The following SEMA6A variants were observed in gnomAD, a reference collection of about 807,000 sequenced individuals.
The protein encoded by SEMA6A is semaphorin 6A.
In SEMA6A, 25 loss-of-function variants were observed where a neutral mutation model predicts 96.8. The observed-to-expected ratio is 0.26, with a 90% CI of 0.19 to 0.36. The LOEUF (loss-of-function observed/expected upper bound fraction) is 0.36, where lower values mean the gene tolerates loss of function less well. Among genes scored for constraint, SEMA6A ranks in the 10% least tolerant of loss-of-function variants. The pLI, the probability that SEMA6A is intolerant of heterozygous loss-of-function variation, is 1.00. For missense variants in SEMA6A, 1,363 were observed against 1,323.1 expected (o/e 1.03, Z -0.47); for synonymous variants, 612 against 518.0 (o/e 1.18, Z -2.46).
intron 1 of SEMA6A, among the ~76,000 whole-genome samples, chr5:116,509,325 A>T (rs1758294449): frequency 6.6e-6 from 1 of 152,190 alleles, no homozygotes; most frequent in African/African-American, 2.4e-5. Context: ...TCCCTGAGCA[A>T]AGTCACTTAC....
rs2112564541 is a variant in SEMA6A at position 116,445,874 on chromosome 5, G to GT, written c.*738_*739insA. 6.5e-6 allele frequency: 1 copy of GT among 152,764 alleles called. No individual in the cohort carries two copies. The highest frequency in any genetic ancestry group is 2.4e-5 in the African/African-American group (1 of 41,564). The allele number at this position is 152,764 out of a possible 1,614,324, so 9.5% of individuals were successfully genotyped here. A position where few individuals can be genotyped will look rare whatever the true frequency, so the allele number is the denominator to read the frequency against. On this transcript the variant is annotated 3_prime_UTR_variant, in exon 19 of 19. Transcript: ENST00000343348. Reference sequence around the variant, plus strand: ...GCTGTTCATAGGATGATATTTGGAAGAGTCCTTTCCTTAAGGAAAAAAAGG... The same window carrying GT: ...GCTGTTCATAGGATGATATTTGGAAGTAGTCCTTTCCTTAAGGAAAAAAAGG...
At chr5:116,552,067 C>T (rs1174092490) in intron 1 of SEMA6A, among the ~76,000 whole-genome samples, 1 of 135,714 alleles carries the variant, frequency 7.4e-6, no homozygotes, top group Non-Finnish European at 1.6e-5. Flanking sequence ...CCAATCACTA[C>T]CCACCAAATG....
intron 18 of SEMA6A, chr5:116,449,411 G>A: frequency 2.9e-6 from 2 of 699,044 alleles, no homozygotes; most frequent in South Asian, 1.5e-5. Context: ...CAGTGGCACA[G>A]AATTAGAATG....
At chr5:116,547,166 A>T (rs533005974) in intron 1 of SEMA6A, among the ~76,000 whole-genome samples, 1 of 152,296 alleles carries the variant, frequency 6.6e-6, no homozygotes, top group Admixed American at 6.5e-5. Context: ...AACAAAATTT[A>T]TCTTTTTTGT....
intron 6 of SEMA6A, among the ~76,000 whole-genome samples, chr5:116,493,835 A>G (rs923039816): frequency 2.0e-5 from 3 of 152,110 alleles, no homozygotes; most frequent in Non-Finnish European, 4.4e-5. Flanking sequence ...CTCTAAACCA[A>G]AGCTTACTGA....
chr5:116,483,739 G>T (rs1248009899), intron 10 of SEMA6A, among the ~76,000 whole-genome samples: 5 of 152,120 alleles, frequency 3.3e-5, no homozygotes, highest in Non-Finnish European at 7.3e-5. Context: ...ATTTATACAT[G>T]TACATATGTT....
intron 1 of SEMA6A, among the ~76,000 whole-genome samples, chr5:116,516,787 G>A (rs940020384): frequency 6.6e-6 from 1 of 152,134 alleles, no homozygotes; most frequent in African/African-American, 2.4e-5. Flanking sequence ...TCCTTAGAGC[G>A]AATGAAAATA....
intron 1 of SEMA6A, among the ~76,000 whole-genome samples, chr5:116,556,487 C>T (rs1760611547): frequency 6.6e-6 from 1 of 152,128 alleles, no homozygotes; most frequent in African/African-American, 2.4e-5. Context: ...AGACATCATT[C>T]TGGTGCATAT....
intron 18 of SEMA6A, among the ~76,000 whole-genome samples, chr5:116,453,457 A>G (rs1011902215): frequency 6.6e-5 from 10 of 152,262 alleles, no homozygotes; most frequent in Non-Finnish European, 1.5e-5. Context: ...CTTCAGGCAG[A>G]AAGGTGCTCA....
Position 116,488,095 on chromosome 5 carries a change from C to T in SEMA6A, c.744+13G>A. On this transcript the variant is annotated intron_variant, in intron 9 of 18. Coordinates refer to ENST00000343348, the MANE Select transcript of SEMA6A (RefSeq NM_020796.5). ...ATGTTACAAACTGAGCCAAGGACAG[C>T]ATCCCCTCTTACCTTTCCCATGGTG... The T allele has an allele frequency of 1.3e-6, 2 of 1,546,224 alleles. No homozygotes were observed. Among genetic ancestry groups the T allele is most frequent in the Non-Finnish European group, 1.8e-6 (2 of 1,121,492 alleles).
chr5:116,447,877 C>G (rs1278359721), intron 18 of SEMA6A, 66 bp from the exon 19 acceptor site: 7 of 1,315,566 alleles, frequency 5.3e-6, no homozygotes, highest in South Asian at 4.5e-5. Flanking sequence ...TTTTGCTTGG[C>G]ATTCACCTTG....
intron 1 of SEMA6A, among the ~76,000 whole-genome samples, chr5:116,534,980 C>T (rs1490318892): frequency 6.6e-6 from 1 of 152,236 alleles, no homozygotes; most frequent in Non-Finnish European, 1.5e-5. Context: ...AAGATGCTAA[C>T]TCATCCTTGC....
chr5:116,482,315 T>A (rs1756821769), intron 11 of SEMA6A, 129 bp downstream of exon 11: 1 of 981,918 alleles, frequency 1.0e-6, no homozygotes, highest in Non-Finnish European at 1.5e-6. Flanking sequence ...TTTTGGTTAA[T>A]GAGATGAAGG....
Position 116,446,497 on chromosome 5 carries a change from C to T in SEMA6A, c.*116G>A. On this transcript the variant is annotated 3_prime_UTR_variant, in exon 19 of 19. Coordinates refer to ENST00000343348, the MANE Select transcript of SEMA6A (RefSeq NM_020796.5). Reference sequence around the variant, plus strand: ...AGAGAGGAGGACCCAGCGTCCTCGGCTCTGCCGCAGGCCTTCTTGGTCTGG... The same window carrying T: ...AGAGAGGAGGACCCAGCGTCCTCGGTTCTGCCGCAGGCCTTCTTGGTCTGG... 1.1e-6 allele frequency: 1 copy of T among 904,748 alleles called. No homozygotes were observed. The highest frequency in any genetic ancestry group is 1.6e-6 in the Non-Finnish European group (1 of 622,976). 56.0% of individuals were successfully genotyped at this position (904,748 alleles called of 1,614,324 possible).
rs540365413 is a variant in SEMA6A at position 116,487,145 on chromosome 5, G to A, written c.745-179C>T. 24 of 578,600 alleles carry A rather than the reference G, an allele frequency of 4.1e-5. No individual in the cohort carries two copies. The African/African-American group carries it at 4.3e-4, about 10-fold the overall frequency. 35.8% of individuals were successfully genotyped at this position (578,600 alleles called of 1,614,324 possible). On this transcript the variant is annotated intron_variant, in intron 9 of 18. Transcript: ENST00000343348. ...AAAAAGAGGAAAACTCAGCATTAGA[G>A]TAGCATGTTTTAAAAGATAAGGCTG...
At position 116,447,453 on chromosome 5, in the gene SEMA6A, G is replaced by A. The variant is rs370687173; in HGVS notation, c.2253C>T (p.Asp751=). ...ACTCTGGGGTGGGGAGGGCCGTCAG[G>A]TCCAGGTGGTGCTGGTCTGCTTTAA... ...MLIKADQHHL[D]LTALPTPEST... The change falls in exon 19 of 19, where the codon GAC becomes GAT. Residue 751 remains aspartate, a synonymous_variant. Transcript: ENST00000343348. 2.6e-5 allele frequency: 42 copies of A among 1,613,978 alleles called. No homozygotes were observed. The highest frequency in any genetic ancestry group is 3.5e-5 in the Non-Finnish European group (41 of 1,179,914).
chr5:116,554,717 A>G (rs1422136573), intron 1 of SEMA6A: 1 of 152,212 alleles, frequency 6.6e-6, no homozygotes, highest in Non-Finnish European at 1.5e-5. Context: ...GCATATATAC[A>G]TATAAAACAA....
chr5:116,476,798 C>G (rs966905901), intron 15 of SEMA6A, among the ~76,000 whole-genome samples: 4 of 152,200 alleles, frequency 2.6e-5, no homozygotes, highest in Non-Finnish European at 4.4e-5. Flanking sequence ...GTACAGAGCT[C>G]TAAGATTATA....
At chr5:116,537,904 C>T (rs564749271) in intron 1 of SEMA6A, among the ~76,000 whole-genome samples, 18 of 152,238 alleles carry the variant, frequency 1.2e-4, no homozygotes, top group African/African-American at 4.3e-4. Flanking sequence ...AGGCCAGGTG[C>T]GGTGTCTCAT....
Sources: allele counts gnomAD v4.1 joint callset (sites outside exome capture counted in the v4.1 genomes callset), GRCh38; gene constraint gnomAD v4.1.1; transcripts MANE v1.5; gene names NCBI Gene and HGNC (gene_info 2026-07-23, HGNC 2026-07-21).